Variants in BCAS3 observed in about 807,000 individuals in gnomAD.
The protein encoded by BCAS3 is BCAS3 microtubule associated cell migration factor.
A neutral mutation model predicts 116.1 loss-of-function variants in BCAS3; 53 were observed. That is an observed-to-expected ratio of 0.46 (90% CI 0.37 to 0.57). The LOEUF (loss-of-function observed/expected upper bound fraction) is 0.57, where lower values mean the gene tolerates loss of function less well. BCAS3 is among the 20% of genes least tolerant of loss of function. The pLI, the probability that BCAS3 is intolerant of heterozygous loss-of-function variation, is 0.00. For synonymous variants in BCAS3, 391 were observed against 408.2 expected (o/e 0.96, Z 0.51); for missense variants, 917 against 1,165.4 (o/e 0.79, Z 3.10).
Position 61,363,154 on chromosome 17 carries a change from A to C in BCAS3, c.2426-5173A>C, listed in dbSNP as rs1603058299. Reference sequence around the variant, plus strand: ...GGAAATAAGGCCACAGGAATGATCTAATTAACCTGGGGTCCACAGGTGGGT... The same window carrying C: ...GGAAATAAGGCCACAGGAATGATCTCATTAACCTGGGGTCCACAGGTGGGT... On this transcript the variant is annotated intron_variant, in intron 22 of 23. Coordinates refer to ENST00000407086, the MANE Select transcript of BCAS3 (RefSeq NM_017679.5). The surrounding 1 kb of genome is among the most constrained non-coding windows in gnomAD (Gnocchi z 4.9). Among the ~76,000 whole-genome samples, 1 of 152,200 alleles carries C rather than the reference A, an allele frequency of 6.6e-6. No individual in the cohort carries two copies. The highest frequency in any genetic ancestry group is 1.5e-5 in the Non-Finnish European group (1 of 68,044).
intron 5 of BCAS3, among the ~76,000 whole-genome samples, chr17:60,719,694 C>T (rs1052618293): frequency 6.6e-6 from 1 of 152,070 alleles, no homozygotes; most frequent in Non-Finnish European, 1.5e-5. Context: ...AACATACATT[C>T]CAAAAGCTGT....
At chr17:61,120,129 T>G (rs891809425) in intron 22 of BCAS3, among the ~76,000 whole-genome samples, 3 of 152,136 alleles carry the variant, frequency 2.0e-5, no homozygotes, top group African/African-American at 7.2e-5. Context: ...ATTGATAAAA[T>G]TATTCTTTAG....
At chr17:61,260,905 C>T (rs943811986) in intron 22 of BCAS3, among the ~76,000 whole-genome samples, 5 of 152,188 alleles carry the variant, frequency 3.3e-5, no homozygotes, top group African/African-American at 1.2e-4. Context: ...TGTTGCTCTA[C>T]TCTAGTGTAC....
intron 22 of BCAS3, among the ~76,000 whole-genome samples, chr17:61,120,532 A>T (rs943938421): frequency 6.6e-6 from 1 of 152,096 alleles, no homozygotes; most frequent in Non-Finnish European, 1.5e-5. Context: ...TTTCAAATAT[A>T]TGCAGATATA....
intron 10 of BCAS3, chr17:60,891,841 A>AT (rs2057174644): frequency 2.4e-6 from 1 of 424,070 alleles, no homozygotes; most frequent in African/African-American, 2.1e-5. Flanking sequence ...GCCTATTTCC[A>AT]TTTTCATCAT....
intron 14 of BCAS3, among the ~76,000 whole-genome samples, chr17:60,988,057 T>C (rs1013004058): frequency 6.6e-5 from 10 of 152,118 alleles, no homozygotes; most frequent in Non-Finnish European, 1.0e-4. Context: ...TTTTATCATA[T>C]GTATTTCCAG....
intron 14 of BCAS3, among the ~76,000 whole-genome samples, chr17:60,959,173 G>A (rs1450429559): frequency 6.6e-6 from 1 of 151,980 alleles, no homozygotes; most frequent in African/African-American, 2.4e-5. Context: ...CAGGCCTGGT[G>A]GTGCATGTCT....
chr17:60,978,691 G>A (rs1017579891), intron 14 of BCAS3, among the ~76,000 whole-genome samples: 23 of 152,096 alleles, frequency 1.5e-4, no homozygotes, highest in African/African-American at 5.3e-4. Context: ...AAGGTGCAAG[G>A]AAGGGATCCA....
chr17:60,804,151 A>G (rs568380969), intron 6 of BCAS3, among the ~76,000 whole-genome samples: 1 of 151,156 alleles, frequency 6.6e-6, no homozygotes, highest in South Asian at 2.1e-4. Context: ...ATGTATGTAT[A>G]CATATATGCA....
intron 22 of BCAS3, among the ~76,000 whole-genome samples, chr17:61,102,810 A>G (rs1449250690): frequency 6.6e-6 from 1 of 152,142 alleles, no homozygotes; most frequent in Non-Finnish European, 1.5e-5. Flanking sequence ...GCCATAGTTC[A>G]GGTACATAAC....
intron 20 of BCAS3, among the ~76,000 whole-genome samples, chr17:61,076,979 C>A (rs889175233): frequency 2.2e-4 from 33 of 152,176 alleles, no homozygotes; most frequent in African/African-American, 8.0e-4. Flanking sequence ...TTAATCACCA[C>A]AATCAGAGAA....
chr17:61,121,351 TATTATTTG>T (rs1256482858), intron 22 of BCAS3, among the ~76,000 whole-genome samples: 2 of 152,194 alleles, frequency 1.3e-5, no homozygotes, highest in African/African-American at 2.4e-5. Context: ...GTCAACATTG[TATTATTTG>T]ATATATAGAT....
At chr17:60,891,017 A>G (rs999152897) in intron 10 of BCAS3, among the ~76,000 whole-genome samples, 1 of 152,216 alleles carries the variant, frequency 6.6e-6, no homozygotes, top group African/African-American at 2.4e-5. Context: ...GATATGTTAC[A>G]TCTTCCTGAA....
intron 5 of BCAS3, among the ~76,000 whole-genome samples, chr17:60,738,929 CTTTG>C (rs1465858322): frequency 6.6e-6 from 1 of 151,776 alleles, no homozygotes; most frequent in Non-Finnish European, 1.5e-5. Context: ...TTAATTGTTG[CTTTG>C]TTTTTTTCTT....
intron 15 of BCAS3, among the ~76,000 whole-genome samples, chr17:60,998,816 T>C (rs1206843572): frequency 6.6e-6 from 1 of 152,158 alleles, no homozygotes; most frequent in African/African-American, 2.4e-5. Flanking sequence ...AGCTCTTTAG[T>C]TTAATTAGGT....
chr17:60,827,380 A>G (rs943071266), intron 7 of BCAS3, among the ~76,000 whole-genome samples: 1 of 152,188 alleles, frequency 6.6e-6, no homozygotes, highest in Non-Finnish European at 1.5e-5. Context: ...TTTTGCCTCT[A>G]TGACTGTTCG....
chr17:61,160,379 G>A (rs915946281), intron 22 of BCAS3, among the ~76,000 whole-genome samples: 2 of 151,978 alleles, frequency 1.3e-5, no homozygotes, highest in Non-Finnish European at 2.9e-5. Flanking sequence ...TTGCCGTGCT[G>A]GATGGTTAAT....
In BCAS3 at chr17:61,023,623, C is replaced by T. The variant is rs8071891; in HGVS notation, c.1637+7722C>T. 0.1 allele frequency among the ~76,000 whole-genome samples: 15,437 copies of T among 152,092 alleles called. 2,365 individuals are homozygous for T. The highest frequency in any genetic ancestry group is 0.34 in the African/African-American group (13,937 of 41,430). ...GCTAGTAAGATTGAAGACTTTGTGG[C>T]ACCATGTGGCATTCAACAAAATGAA... On this transcript the variant is annotated intron_variant, in intron 16 of 23. Transcript: ENST00000407086. This position sits in a 1 kb window ranked among gnomAD's most constrained non-coding sequence, Gnocchi z 4.8.
At chr17:61,143,924 G>C (rs2077058204) in intron 22 of BCAS3, among the ~76,000 whole-genome samples, 1 of 152,218 alleles carries the variant, frequency 6.6e-6, no homozygotes, top group South Asian at 2.1e-4. Context: ...GATAGAGACT[G>C]AATCCTCAGT....
Sources: gnomAD v4.1 joint callset for allele counts (sites outside exome capture counted in the v4.1 genomes callset) on GRCh38, gnomAD v4.1.1 for gene constraint, Gnocchi (gnomAD v3.1) non-coding constraint, MANE v1.5 for transcripts, NCBI Gene and HGNC (gene_info 2026-07-23, HGNC 2026-07-21) for gene names.